Variants in HIBADH observed in about 807,000 individuals in gnomAD.
HIBADH encodes 3-hydroxyisobutyrate dehydrogenase.
Under a neutral mutation model 36.1 loss-of-function variants are expected in HIBADH, and 25 were observed. That is an observed-to-expected ratio of 0.69 (90% confidence interval 0.50 to 0.97). The LOEUF (loss-of-function observed/expected upper bound fraction) is 0.97. Ranked by LOEUF, HIBADH falls within the 50% of genes least tolerant of loss-of-function variation. The probability of loss-of-function intolerance (pLI) is 0.00; values close to 1 mark genes in which losing one functional copy is unlikely to be tolerated. For synonymous variants in HIBADH, 160 were observed against 149.5 expected, an observed-to-expected ratio of 1.07 and a Z score of -0.51; for missense variants, 421 against 418.0, an observed-to-expected ratio of 1.01 and a Z score of -0.06.
intron 4 of HIBADH, among the ~76,000 whole-genome samples, chr7:27,599,095 GT>G (rs1420444402): frequency 1.3e-5 from 2 of 151,932 alleles, no homozygotes; most frequent in African/African-American, 4.8e-5. Flanking sequence ...AAAAATTTTA[GT>G]TCGTTACGGA....
At chr7:27,589,975 C>G (rs1281590492) in intron 4 of HIBADH, among the ~76,000 whole-genome samples, 2 of 152,152 alleles carry the variant, frequency 1.3e-5, no homozygotes, top group Non-Finnish European at 2.9e-5. Context: ...TTACAACATT[C>G]TCAAGTAAGT....
intron 4 of HIBADH, among the ~76,000 whole-genome samples, chr7:27,589,615 T>A (rs1376277422): frequency 6.6e-6 from 1 of 152,186 alleles, no homozygotes; most frequent in African/African-American, 2.4e-5. Flanking sequence ...CCACTATGCA[T>A]CAGAGAAAGT....
intron 4 of HIBADH, among the ~76,000 whole-genome samples, chr7:27,606,418 G>A (rs1785229786): frequency 6.6e-6 from 1 of 152,148 alleles, no homozygotes; most frequent in Non-Finnish European, 1.5e-5. Context: ...AATCTTTAAA[G>A]CCAAAGCTAT....
At chr7:27,578,505 CAG>C (rs1212970171) in intron 4 of HIBADH, among the ~76,000 whole-genome samples, 1 of 152,022 alleles carries the variant, frequency 6.6e-6, no homozygotes, top group African/African-American at 2.4e-5. Flanking sequence ...TTAGTAGAGA[CAG>C]GGTTTCACCA....
rs1784586203 is a variant in HIBADH at position 27,568,915 on chromosome 7, T to TC, written c.485-25816_485-25815insG. Among the ~76,000 whole-genome samples the TC allele has an allele frequency of 1.3e-4, 13 of 101,460 alleles. No homozygotes were observed. In the South Asian group the frequency reaches 3.1e-3, roughly 24 times the overall value. 66.6% of individuals were successfully genotyped at this position (101,460 alleles called of 152,430 possible). A position where few individuals can be genotyped will look rare whatever the true frequency, so the allele number is the denominator to read the frequency against. On this transcript the variant is annotated intron_variant, in intron 4 of 7. Transcript: ENST00000265395. ...GAAGCTTTCAGCCACCTTTTTTTTT[T>TC]TCCAAATTTTTTTTTTTGTACCACA...
At chr7:27,657,340 A>T (rs1786324801) in intron 1 of HIBADH, among the ~76,000 whole-genome samples, 1 of 152,182 alleles carries the variant, frequency 6.6e-6, no homozygotes. Flanking sequence ...TGAAATGAGG[A>T]AACAAGAAAG....
chr7:27,534,687 T>C (rs1245947966), intron 6 of HIBADH, among the ~76,000 whole-genome samples: 2 of 152,060 alleles, frequency 1.3e-5, no homozygotes, highest in African/African-American at 4.8e-5. Flanking sequence ...AGCTTCTAGA[T>C]GGGAAGACAG....
intron 4 of HIBADH, among the ~76,000 whole-genome samples, chr7:27,591,142 G>A (rs1340570982): frequency 1.3e-5 from 2 of 151,978 alleles, no homozygotes; most frequent in African/African-American, 4.8e-5. Context: ...TAGGTAAATG[G>A]GTACGATCAA....
rs1349766993 is a variant in HIBADH, at chr7:27,658,228, T to G, written c.91+4470A>C. On this transcript the variant is annotated intron_variant, in intron 1 of 7. Coordinates refer to ENST00000265395, the MANE Select transcript of HIBADH (RefSeq NM_152740.4). ...CCTAAAAACTCTCAAACCTAAATAA[T>G]GCATCTCTCTTTAAATAACTTCTGA... is the stretch of plus-strand genomic sequence containing the variant. 2.0e-5 allele frequency among the ~76,000 whole-genome samples: 3 copies of G among 152,148 alleles called. No individual in the cohort carries two copies. In the East Asian group the frequency reaches 5.8e-4, roughly 29 times the overall value.
chr7:27,563,343 T>A (rs1428874658), intron 4 of HIBADH, among the ~76,000 whole-genome samples: 1 of 152,210 alleles, frequency 6.6e-6, no homozygotes, highest in Non-Finnish European at 1.5e-5. Context: ...TTTTAGTGGA[T>A]CATGAATTCA....
rs186218242 is a variant in HIBADH, at chr7:27,609,857, G to A, written c.484+19514C>T. Among the ~76,000 whole-genome samples, 77 of 151,682 alleles carry A rather than the reference G, an allele frequency of 5.1e-4. 1 individual carries two copies. In the East Asian group the frequency reaches 0.013, roughly 26 times the overall value. On this transcript the variant is annotated intron_variant, in intron 4 of 7. Transcript: ENST00000265395. ...TTTTGAGACAGAGTCTTGCTCTGTC[G>A]CCCAGGCTGGAGTAGACTGTGCAAT... is the stretch of plus-strand genomic sequence containing the variant.
chr7:27,631,305 C>T (rs1430689772), intron 3 of HIBADH, among the ~76,000 whole-genome samples: 1 of 152,184 alleles, frequency 6.6e-6, no homozygotes, highest in African/African-American at 2.4e-5. Flanking sequence ...TTTTAACCTT[C>T]CCTGAAATCT....
intron 4 of HIBADH, among the ~76,000 whole-genome samples, chr7:27,564,656 T>C (rs1036343147): frequency 4.6e-5 from 7 of 152,318 alleles, no homozygotes; most frequent in Admixed American, 3.9e-4. Context: ...TGTTTTTCCA[T>C]ATAAAATTAA....
intron 2 of HIBADH, among the ~76,000 whole-genome samples, chr7:27,639,470 A>T (rs1449686541): frequency 6.6e-6 from 1 of 152,184 alleles, no homozygotes; most frequent in African/African-American, 2.4e-5. Context: ...GTGAGGATCA[A>T]AAAACTACCT....
chr7:27,646,151 T>C lies in HIBADH; in HGVS notation c.252+3322A>G, dbSNP rs548496899. On this transcript the variant is annotated intron_variant, in intron 2 of 7. Transcript: ENST00000265395. ...CAACCCATACAATAGATAAATATTA[T>C]TAAATTGTAACTCCGTGGGTACAGA... 8.5e-5 allele frequency among the ~76,000 whole-genome samples: 13 copies of C among 152,272 alleles called. No individual in the cohort carries two copies. In the South Asian group the frequency reaches 1.5e-3, roughly 17 times the overall value.
chr7:27,642,582 G>GTCC (rs1051703349), intron 2 of HIBADH, among the ~76,000 whole-genome samples: 8 of 149,812 alleles, frequency 5.3e-5, no homozygotes, highest in African/African-American at 2.0e-4. Context: ...CTGCTCCTTT[G>GTCC]TCCTCATTCT....
At chr7:27,542,897 T>C (rs1784176757) in intron 5 of HIBADH, 70 bp downstream of exon 5, 3 of 1,447,310 alleles carry the variant, frequency 2.1e-6, no homozygotes, top group Admixed American at 2.0e-5. Context: ...AAAAATATGG[T>C]CAGGAAAGAG....
intron 6 of HIBADH, among the ~76,000 whole-genome samples, chr7:27,534,888 C>T (rs547177303): frequency 6.6e-6 from 1 of 151,478 alleles, no homozygotes; most frequent in African/African-American, 2.4e-5. Flanking sequence ...ACTTAATCTT[C>T]ACAACAACCC....
chr7:27,633,530 G>A (rs1366946190), intron 2 of HIBADH, among the ~76,000 whole-genome samples: 2 of 152,046 alleles, frequency 1.3e-5, no homozygotes, highest in South Asian at 2.1e-4. Context: ...GTAGTGGGGC[G>A]CACCAGTAGT....
Sources: gnomAD v4.1 joint callset for allele counts (sites outside exome capture counted in the v4.1 genomes callset) on GRCh38, gnomAD v4.1.1 for gene constraint, MANE v1.5 for transcripts, NCBI Gene and HGNC (gene_info 2026-07-23, HGNC 2026-07-21) for gene names.